PLXDC1: variants seen among roughly 807,000 people sequenced by gnomAD.
The protein encoded by PLXDC1 is plexin domain containing 1, also known as plexin domain-containing protein 1.
In PLXDC1, 39 loss-of-function variants were observed where a neutral mutation model predicts 61.3. The ratio of observed to expected loss-of-function variants is 0.64; its 90% CI spans 0.49 to 0.83. The LOEUF (loss-of-function observed/expected upper bound fraction) is 0.83. Among genes scored for constraint, PLXDC1 ranks in the 40% least tolerant of loss-of-function variants. The probability of loss-of-function intolerance (pLI) is 0.00; values close to 1 mark genes in which losing one functional copy is unlikely to be tolerated. For missense variants in PLXDC1, 596 were observed against 666.5 expected (o/e 0.89, Z 1.17); for synonymous variants, 212 against 254.5 (o/e 0.83, Z 1.59).
chr17:39,140,263 C>A (rs185489860), intron 1 of PLXDC1, among the ~76,000 whole-genome samples: 3 of 152,288 alleles, frequency 2.0e-5, no homozygotes, highest in Admixed American at 1.3e-4. Flanking sequence ...CCCTAGAGAT[C>A]TCTTGTAACT....
chr17:39,079,904 C>T (rs1031960421), intron 9 of PLXDC1: 1 of 254,286 alleles, frequency 3.9e-6, no homozygotes, highest in East Asian at 1.1e-4. Context: ...AGGTTAACTG[C>T]ACCAGCACCC....
chr17:39,130,473 A>C (rs776966655), intron 2 of PLXDC1, among the ~76,000 whole-genome samples: 12 of 152,114 alleles, frequency 7.9e-5, no homozygotes, highest in Non-Finnish European at 1.3e-4. Flanking sequence ...ACAAAACAGA[A>C]AAGGTTTTGG....
At chr17:39,140,367 C>T (rs552574136) in intron 1 of PLXDC1, among the ~76,000 whole-genome samples, 11 of 152,066 alleles carry the variant, frequency 7.2e-5, no homozygotes, top group African/African-American at 2.7e-4. Flanking sequence ...GTGCAGTGGC[C>T]CGAGCTCCGC....
At chr17:39,150,610 G>T (rs750108522) in intron 1 of PLXDC1, among the ~76,000 whole-genome samples, 5 of 151,890 alleles carry the variant, frequency 3.3e-5, no homozygotes, top group Admixed American at 2.0e-4. Flanking sequence ...CCAGGTGGGA[G>T]AGATGAGTTT....
In PLXDC1 at chr17:39,140,009, T is replaced by TCCAGGCC. The variant is rs1238078254; in HGVS notation, c.77-184_77-178dup. Among the ~76,000 whole-genome samples, 3 of 152,314 alleles carry TCCAGGCC rather than the reference T, an allele frequency of 2.0e-5. No homozygotes were observed. The South Asian group carries it at 6.2e-4, about 32-fold the overall frequency. ...GTGTACTGAGAGTCACGTGCCCAGC[T>TCCAGGCC]CCAGGCCAAGCACTTCGCACATATC... On this transcript the variant is annotated intron_variant, in intron 1 of 13. Coordinates refer to ENST00000315392, the MANE Select transcript of PLXDC1 (RefSeq NM_020405.5).
At position 39,151,199 on chromosome 17, in the gene PLXDC1, G is replaced by A. The variant is rs1014094222; in HGVS notation, c.76+163C>T. Among the ~76,000 whole-genome samples the A allele has an allele frequency of 5.3e-5, 8 of 152,304 alleles. No individual in the cohort carries two copies. The highest frequency in any genetic ancestry group is 3.3e-4 in the Admixed American group (5 of 15,308). On this transcript the variant is annotated intron_variant, in intron 1 of 13. Transcript: ENST00000315392. The surrounding 1 kb of genome is among the most constrained non-coding windows in gnomAD (Gnocchi z 5.2). ...CACACCCTATGTGTTTGGGAAAGTG[G>A]GGTCCCTATCCACCTGCCCACAGCC... is the stretch of plus-strand genomic sequence containing the variant.
At position 39,069,876 on chromosome 17, in the gene PLXDC1, C is replaced by T. The variant is rs1244712561; in HGVS notation, c.1363G>A (p.Ala455Thr). ...IYINGHPTSN[A>T]ALFFIERRPH... is the part of the protein sequence containing the mutation. Reference sequence around the variant, plus strand: ...CGGACCTCGATGAAGAAGAGCGCAGCATTGGATGTGGGGTGGCCATTGATG... The same window carrying T: ...CGGACCTCGATGAAGAAGAGCGCAGTATTGGATGTGGGGTGGCCATTGATG... The change falls in exon 13 of 14, where the codon GCT becomes ACT. Residue 455 changes from alanine to threonine, a missense_variant. Transcript: ENST00000315392. 2 of 1,613,898 alleles carry T rather than the reference C, an allele frequency of 1.2e-6. No homozygotes were observed. The highest frequency in any genetic ancestry group is 3.3e-5 in the Admixed American group (2 of 59,990).
At chr17:39,145,367 C>T (rs1017699911) in intron 1 of PLXDC1, among the ~76,000 whole-genome samples, 6 of 152,164 alleles carry the variant, frequency 3.9e-5, no homozygotes, top group Admixed American at 1.3e-4. Context: ...CCAGGTTGTG[C>T]GGCCCCAGAG....
At chr17:39,070,126 T>A in intron 12 of PLXDC1, 110 bp from the exon 13 acceptor site, 1 of 731,406 alleles carries the variant, frequency 1.4e-6, no homozygotes, top group Non-Finnish European at 2.2e-6. Flanking sequence ...ACAGAGCCTT[T>A]GGGTCCACTT....
chr17:39,098,813 C>A (rs1910317846), intron 7 of PLXDC1, among the ~76,000 whole-genome samples: 1 of 152,058 alleles, frequency 6.6e-6, no homozygotes, highest in South Asian at 2.1e-4. Context: ...TGTGGACAGC[C>A]CTTAGCATGT....
rs1198392466 is a variant in PLXDC1 at position 39,064,710 on chromosome 17, C to T, written c.*3130G>A. On this transcript the variant is annotated 3_prime_UTR_variant, in exon 14 of 14. Coordinates refer to ENST00000315392, the MANE Select transcript of PLXDC1 (RefSeq NM_020405.5). ...TGCAAGTGACAATCAGAGTTGGAAA[C>T]GTGGGGCCTCAGCTCTGCTTGATAA... is the stretch of plus-strand genomic sequence containing the variant. 2.6e-5 allele frequency: 4 copies of T among 152,140 alleles called. No individual in the cohort carries two copies. The highest frequency in any genetic ancestry group is 2.1e-4 in the South Asian group (1 of 4,820). The allele number at this position is 152,140 out of a possible 1,614,324, so 9.4% of individuals were successfully genotyped here. A position where few individuals can be genotyped will look rare whatever the true frequency, so the allele number is the denominator to read the frequency against.
rs77191817 is a variant in PLXDC1, at chr17:39,118,140, C to T, written c.256-8749G>A. Among the ~76,000 whole-genome samples the T allele has an allele frequency of 4.0e-3, 576 of 143,836 alleles. 4 individuals carry two copies. Among genetic ancestry groups the T allele is most frequent in the African/African-American group, 0.014 (536 of 38,910 alleles). 94.4% of individuals were successfully genotyped at this position (143,836 alleles called of 152,430 possible). A position where few individuals can be genotyped will look rare whatever the true frequency, so the allele number is the denominator to read the frequency against. ...TCTCTCTCAATCTCTTCCTTCCTTC[C>T]TCTCAATCTCTTCCTTCCTTTCTCT... On this transcript the variant is annotated intron_variant, in intron 2 of 13. Coordinates refer to ENST00000315392, the MANE Select transcript of PLXDC1 (RefSeq NM_020405.5).
intron 7 of PLXDC1, among the ~76,000 whole-genome samples, chr17:39,095,443 C>A (rs1220515779): frequency 8.8e-5 from 12 of 137,110 alleles, no homozygotes; most frequent in African/African-American, 3.2e-4. Flanking sequence ...TTGCCCAAGA[C>A]AATGACTTCC....
chr17:39,143,031 G>A (rs191941319), intron 1 of PLXDC1, among the ~76,000 whole-genome samples: 16 of 152,082 alleles, frequency 1.1e-4, no homozygotes, highest in Admixed American at 2.0e-4. Flanking sequence ...CCAGCTACTC[G>A]GGAGGCTGAG....
At chr17:39,128,626 G>A (rs570843561) in intron 2 of PLXDC1, among the ~76,000 whole-genome samples, 116 of 152,264 alleles carry the variant, frequency 7.6e-4, no homozygotes, top group African/African-American at 2.6e-3. Flanking sequence ...AGTTGCTGTG[G>A]AAAACAGTCT....
intron 2 of PLXDC1, among the ~76,000 whole-genome samples, chr17:39,136,175 T>C (rs546652613): frequency 6.6e-6 from 1 of 152,248 alleles, no homozygotes; most frequent in East Asian, 1.9e-4. Flanking sequence ...TCCTGCTCCT[T>C]GCTCTGCAGG....
chr17:39,106,285 A>T (rs1910588815), intron 6 of PLXDC1, among the ~76,000 whole-genome samples: 1 of 150,564 alleles, frequency 6.6e-6, no homozygotes, highest in African/African-American at 2.5e-5. Flanking sequence ...GTGGCTCTCA[A>T]ATCTGTCTGT....
At chr17:39,116,921 G>GC (rs1297655245) in intron 2 of PLXDC1, among the ~76,000 whole-genome samples, 1 of 152,210 alleles carries the variant, frequency 6.6e-6, no homozygotes, top group Non-Finnish European at 1.5e-5. Context: ...GTCTGATGTG[G>GC]CCCCCGATTA....
At chr17:39,085,323 C>G (rs1019744816) in intron 8 of PLXDC1, among the ~76,000 whole-genome samples, 1 of 152,202 alleles carries the variant, frequency 6.6e-6, no homozygotes, top group Non-Finnish European at 1.5e-5. Flanking sequence ...ATGGAAAGAG[C>G]CATGGGCAGG....
Sources: gnomAD v4.1 joint callset for allele counts (sites outside exome capture counted in the v4.1 genomes callset) on GRCh38, gnomAD v4.1.1 for gene constraint, Gnocchi (gnomAD v3.1) non-coding constraint, MANE v1.5 for transcripts, NCBI Gene and HGNC (gene_info 2026-07-23, HGNC 2026-07-21) for gene names.